Variants in TLL1 observed in about 807,000 individuals in gnomAD.
The protein encoded by TLL1 is tolloid-like protein 1.
A neutral mutation model predicts 128.2 loss-of-function variants in TLL1; 49 were observed. The observed-to-expected ratio is 0.38, with a 90% CI of 0.30 to 0.48. TLL1 has a LOEUF of 0.48. Among genes scored for constraint, TLL1 ranks in the 20% least tolerant of loss-of-function variants. The probability of loss-of-function intolerance (pLI) is 0.96; values close to 1 mark genes in which losing one functional copy is unlikely to be tolerated. For missense variants in TLL1, 1,123 were observed against 1,242.0 expected (o/e 0.90, Z 1.44); for synonymous variants, 454 against 418.8 (o/e 1.08, Z -1.03).
intron 1 of TLL1, among the ~76,000 whole-genome samples, chr4:165,884,315 T>C (rs1463245438): frequency 6.6e-6 from 1 of 152,212 alleles, no homozygotes; most frequent in Non-Finnish European, 1.5e-5. Flanking sequence ...TGAATATGTG[T>C]TCTTATACAT....
chr4:166,003,717 G>T, intron 6 of TLL1, 148 bp downstream of exon 6: 1 of 820,938 alleles, frequency 1.2e-6, no homozygotes, highest in South Asian at 1.5e-5. Flanking sequence ...AATCACCCAT[G>T]ATGATTTTAT....
chr4:165,926,231 T>C (rs554483871), intron 1 of TLL1, among the ~76,000 whole-genome samples: 3 of 152,326 alleles, frequency 2.0e-5, no homozygotes, highest in Middle Eastern at 6.8e-3. Flanking sequence ...AGAAGTACTA[T>C]ACCAGATAAT....
chr4:165,926,930 C>T (rs896784286), intron 1 of TLL1, among the ~76,000 whole-genome samples: 2 of 151,920 alleles, frequency 1.3e-5, no homozygotes, highest in African/African-American at 2.4e-5. Flanking sequence ...AATGTTACTC[C>T]TTTTTTCAAA....
At chr4:166,044,304 C>A in intron 12 of TLL1, 1 of 1,444,266 alleles carries the variant, frequency 6.9e-7, no homozygotes, top group Non-Finnish European at 9.4e-7. Context: ...GTAATGAGCA[C>A]TATGAACACT....
chr4:166,030,985 A>C, intron 9 of TLL1: 1 of 962,118 alleles, frequency 1.0e-6, no homozygotes. Flanking sequence ...TTTTTAATGT[A>C]CGATTTTGCA....
chr4:165,942,686 C>G (rs955345166), intron 1 of TLL1, among the ~76,000 whole-genome samples: 2 of 151,154 alleles, frequency 1.3e-5, no homozygotes, highest in African/African-American at 4.8e-5. Flanking sequence ...TTAGCTTCTG[C>G]TTCTTCCATT....
chr4:166,078,650 C>A lies in TLL1; in HGVS notation c.2442+620C>A, dbSNP rs189323200. On this transcript the variant is annotated intron_variant, in intron 18 of 20. Transcript: ENST00000061240. ...TTCTGGCCTGGTCATAAATAATAAC[C>A]TGATAATAAATGTTAAATTTCATTA... Among the ~76,000 whole-genome samples the A allele has an allele frequency of 4.9e-4, 74 of 152,214 alleles. 2 individuals carry two copies. The highest frequency in any genetic ancestry group is 1.6e-3 in the African/African-American group (68 of 41,532).
intron 9 of TLL1, among the ~76,000 whole-genome samples, chr4:166,029,528 A>G (rs560393892): frequency 1.3e-5 from 2 of 152,204 alleles, no homozygotes; most frequent in East Asian, 3.9e-4. Flanking sequence ...ACTACATAGC[A>G]TAAAATTTAC....
At chr4:165,951,023 A>C (rs1355033080) in intron 1 of TLL1, among the ~76,000 whole-genome samples, 1 of 152,134 alleles carries the variant, frequency 6.6e-6, no homozygotes, top group African/African-American at 2.4e-5. Context: ...CAGATTGACC[A>C]AGTGAAAAAT....
rs2654493 is a variant in TLL1, at chr4:166,091,391, T to C, written c.2656+50T>C. 0.96 allele frequency: 1,482,020 copies of C among 1,548,134 alleles called. 710,975 individuals are homozygous for C. Among genetic ancestry groups the C allele is most frequent in the East Asian group, 1 (44,019 of 44,104 alleles). ...TCTTTTTTGACTGAGATCCAGGTTT[T>C]TCTTCTGGTGAATTTGGTTCAATAA... On this transcript the variant is annotated intron_variant, in intron 19 of 20. Transcript: ENST00000061240.
At chr4:165,875,272 C>T (rs1307482097) in intron 1 of TLL1, among the ~76,000 whole-genome samples, 1 of 152,062 alleles carries the variant, frequency 6.6e-6, no homozygotes, top group Non-Finnish European at 1.5e-5. Flanking sequence ...CATTATTCAC[C>T]CTCTCTTGGG....
chr4:165,993,523 A>T (rs926590515), intron 3 of TLL1, among the ~76,000 whole-genome samples: 1 of 152,062 alleles, frequency 6.6e-6, no homozygotes, highest in African/African-American at 2.4e-5. Context: ...ATTTCCAAGG[A>T]ATAATTTTCC....
chr4:166,030,160 T>G lies in TLL1; in HGVS notation c.1158+4729T>G, dbSNP rs115176750. On this transcript the variant is annotated intron_variant, in intron 9 of 20. Transcript: ENST00000061240. ...CCATCCTCACCAACACTTGTTATTT[T>G]CTGTTGTTTTGATAGTAGCCATCCT... Among the ~76,000 whole-genome samples, 1,200 of 152,230 alleles carry G rather than the reference T, an allele frequency of 7.9e-3. 10 individuals carry two copies. Among genetic ancestry groups the G allele is most frequent in the African/African-American group, 0.027 (1,134 of 41,558 alleles).
At chr4:165,968,091 G>A (rs1027525218) in intron 1 of TLL1, among the ~76,000 whole-genome samples, 7 of 152,080 alleles carry the variant, frequency 4.6e-5, no homozygotes, top group African/African-American at 9.7e-5. Flanking sequence ...CATACAGTGC[G>A]GCTTTTCATC....
At chr4:166,075,192 T>A (rs564655423) in intron 17 of TLL1, among the ~76,000 whole-genome samples, 189 bp downstream of exon 17, 1 of 152,184 alleles carries the variant, frequency 6.6e-6, no homozygotes, top group Non-Finnish European at 1.5e-5. Context: ...ACTTCGCACA[T>A]AGATGGCATT....
intron 19 of TLL1, among the ~76,000 whole-genome samples, chr4:166,097,231 T>C (rs949841928): frequency 2.0e-5 from 3 of 152,066 alleles, no homozygotes; most frequent in African/African-American, 4.8e-5. Context: ...CAAATAATTC[T>C]TGGAGTTACT....
At position 166,010,219 on chromosome 4, in the gene TLL1, C is replaced by A. The variant is rs144319784; in HGVS notation, c.917+2171C>A. On this transcript the variant is annotated intron_variant, in intron 7 of 20. Coordinates refer to ENST00000061240, the MANE Select transcript of TLL1 (RefSeq NM_012464.5). ...TATCACATTTTGTTTATCTTGTCAT[C>A]CATCAGTGAGCATTTGTGTAGCTTC... Among the ~76,000 whole-genome samples, 956 of 151,434 alleles carry A rather than the reference C, an allele frequency of 6.3e-3. 11 individuals carry two copies. Among genetic ancestry groups the A allele is most frequent in the African/African-American group, 0.021 (883 of 41,450 alleles).
chr4:165,940,574 T>C (rs1733960086), intron 1 of TLL1, among the ~76,000 whole-genome samples: 1 of 152,060 alleles, frequency 6.6e-6, no homozygotes, highest in Non-Finnish European at 1.5e-5. Flanking sequence ...TTATGGTGGC[T>C]GAATTCGTTA....
Position 166,099,310 on chromosome 4 carries a change from C to A in TLL1, c.2690C>A (p.Pro897Gln), listed in dbSNP as rs1742172714. The change falls in exon 20 of 21, where the codon CCA (proline) becomes CAA (glutamine). Residue 897 changes from proline (P) to glutamine (Q), a missense_variant. This residue lies in a region of TLL1 where 634 missense variants were observed against 672.4 expected (regional missense o/e 0.94). Transcript: ENST00000061240. ...CGGRLKAESK[P>Q]RDLYSHAQFG... ...GGACGATTGAAAGCAGAATCAAAAC[C>A]AAGAGATCTGTACTCACATGCTCAG... 1 of 1,613,372 alleles carries A rather than the reference C, an allele frequency of 6.2e-7. No homozygotes were observed. The highest frequency in any genetic ancestry group is 8.5e-7 in the Non-Finnish European group (1 of 1,179,634).
Sources: gnomAD v4.1 joint callset for allele counts (sites outside exome capture counted in the v4.1 genomes callset) on GRCh38, gnomAD v4.1.1 for gene constraint, gnomAD v4.1.1 regional missense constraint, MANE v1.5 for transcripts, NCBI Gene and HGNC (gene_info 2026-07-23, HGNC 2026-07-21) for gene names.